The following GET4 variants were observed in gnomAD, a reference collection of about 807,000 sequenced individuals.
The protein encoded by GET4 is Golgi to ER traffic protein 4 homolog.
GET4 carries 20 observed loss-of-function variants against 40.0 expected under a neutral mutation model. The observed-to-expected ratio is 0.50, with a 90% CI of 0.35 to 0.73. The LOEUF (loss-of-function observed/expected upper bound fraction) is 0.73, where lower values mean the gene tolerates loss of function less well. Among genes scored for constraint, GET4 ranks in the 30% least tolerant of loss-of-function variants. The pLI, the probability that GET4 is intolerant of heterozygous loss-of-function variation, is 0.01. For missense variants in GET4, 557 were observed against 454.0 expected (o/e 1.23, Z -2.06); for synonymous variants, 280 against 194.6 (o/e 1.44, Z -3.65).
chr7:883,692 C>T (rs907753189), intron 1 of GET4: 21 of 985,622 alleles, frequency 2.1e-5, no homozygotes, highest in Admixed American at 1.8e-4. Flanking sequence ...GGAGAAGGCC[C>T]GGCCATGCCC....
At position 876,780 on chromosome 7, in the gene GET4, G is replaced by A; in HGVS notation, c.135G>A (p.Met45Ile). 1 of 1,300,532 alleles carries A rather than the reference G, an allele frequency of 7.7e-7. No homozygotes were observed. Among genetic ancestry groups the A allele is most frequent in the Non-Finnish European group, 9.9e-7 (1 of 1,009,682 alleles). The allele number at this position is 1,300,532 out of a possible 1,614,324, so 80.6% of individuals were successfully genotyped here. The change falls in exon 1 of 9, where the codon ATG (methionine) becomes ATA (isoleucine). Residue 45 changes from methionine (M) to isoleucine (I), a missense_variant. Transcript: ENST00000265857. ...GCGACTACTACGAGGCGCACCAGAT[G>A]TACCGGACCCTGTTCTTCAGGTACC... ...EKGDYYEAHQ[M>I]YRTLFFRYMS... is the part of the protein sequence containing the mutation.
At chr7:893,687 G>C (rs1844396858) in intron 6 of GET4, 53 bp from the exon 7 acceptor site, 3 of 1,202,246 alleles carry the variant, frequency 2.5e-6, no homozygotes, top group Non-Finnish European at 3.7e-6. Flanking sequence ...TTGTGCAGGT[G>C]AGTGTGGTCC....
chr7:884,426 G>T (rs1245211206), intron 1 of GET4: 2 of 1,192,430 alleles, frequency 1.7e-6, no homozygotes, highest in South Asian at 1.3e-5. Context: ...TCACTGTGCG[G>T]GGAGCACAGC....
At position 889,067 on chromosome 7, in the gene GET4, G is replaced by GCGATCATAAGGAGGGATGTA. The variant is rs1844254524; in HGVS notation, c.466+1551_466+1570dup. 2.0e-5 allele frequency among the ~76,000 whole-genome samples: 3 copies of GCGATCATAAGGAGGGATGTA among 152,264 alleles called. No homozygotes were observed. The South Asian group carries it at 6.2e-4, about 31-fold the overall frequency. ...ATGGCAGCTCCTAAGATGGGTACAA[G>GCGATCATAAGGAGGGATGTA]CGATCATAAGGAGGGATGTACGTGT... On this transcript the variant is annotated intron_variant, in intron 4 of 8. Transcript: ENST00000265857.
intron 6 of GET4, 86 bp downstream of exon 6, chr7:892,504 G>C: frequency 7.0e-7 from 1 of 1,431,792 alleles, no homozygotes; most frequent in Non-Finnish European, 9.6e-7. Flanking sequence ...GTGGGTGTGT[G>C]TGCAAGTGTA....
At chr7:879,100 C>T (rs570929564) in intron 1 of GET4, among the ~76,000 whole-genome samples, 29 of 152,324 alleles carry the variant, frequency 1.9e-4, no homozygotes, top group African/African-American at 6.7e-4. Flanking sequence ...TGAAGACCCT[C>T]TGCTGGGCCT....
intron 1 of GET4, among the ~76,000 whole-genome samples, chr7:877,257 G>A: frequency 8.4e-6 from 1 of 119,422 alleles, no homozygotes; most frequent in Non-Finnish European, 1.7e-5. Context: ...CTCTCTCCCC[G>A]GCCTCTCCCG....
At chr7:891,441 C>A (rs1029017491) in intron 5 of GET4, among the ~76,000 whole-genome samples, 1 of 152,090 alleles carries the variant, frequency 6.6e-6, no homozygotes, top group Non-Finnish European at 1.5e-5. Flanking sequence ...CCCGCCAGCT[C>A]GCTGGGGCGT....
At position 895,678 on chromosome 7, in the gene GET4, G is replaced by A. The variant is rs1373511324; in HGVS notation, c.*256G>A. On this transcript the variant is annotated 3_prime_UTR_variant, in exon 9 of 9. Coordinates refer to ENST00000265857, the MANE Select transcript of GET4 (RefSeq NM_015949.3). ...GAGATTGACCCACAATAAAGCACAGGCCTTACCGCGGCGTCACCCTCTCCC... is the reference window on the plus strand; with the variant it reads ...GAGATTGACCCACAATAAAGCACAGACCTTACCGCGGCGTCACCCTCTCCC... 9.2e-6 allele frequency: 3 copies of A among 327,038 alleles called. No homozygotes were observed. The highest frequency in any genetic ancestry group is 1.7e-5 in the Non-Finnish European group (3 of 177,084). 20.3% of individuals were successfully genotyped at this position (327,038 alleles called of 1,614,324 possible). A position where few individuals can be genotyped will look rare whatever the true frequency, so the allele number is the denominator to read the frequency against.
chr7:893,041 G>A (rs191879846), intron 6 of GET4, among the ~76,000 whole-genome samples: 21 of 148,546 alleles, frequency 1.4e-4, no homozygotes, highest in Middle Eastern at 7.0e-3. Flanking sequence ...GTGTGTGCAG[G>A]TGAGTGTTGG....
intron 8 of GET4, 116 bp downstream of exon 8, chr7:894,087 T>C (rs1844411157): frequency 1.6e-6 from 1 of 609,156 alleles, no homozygotes; most frequent in African/African-American, 1.9e-5. Context: ...TCTGATCTTT[T>C]AAATGTTTCT....
rs143852092 is a variant in GET4, at chr7:887,389, C to T, written c.336C>T (p.Phe112=). The part of the protein sequence containing the change: ...DELLENLAKV[F]SLMDPNSPER... ...TTGCAGAAAATCTGGCTAAAGTGTT[C>T]AGCCTGATGGACCCCAACTCTCCTG... Residue 112 remains phenylalanine, a synonymous_variant, in exon 4 of 9, where the codon TTC becomes TTT. Transcript: ENST00000265857. The T allele has an allele frequency of 1.5e-4, 233 of 1,593,434 alleles. 1 individual carries two copies. Among genetic ancestry groups the T allele is most frequent in the Middle Eastern group, 1.0e-3 (6 of 5,966 alleles).
At chr7:879,626 A>G (rs1423135675) in intron 1 of GET4, among the ~76,000 whole-genome samples, 1 of 152,206 alleles carries the variant, frequency 6.6e-6, no homozygotes, top group Non-Finnish European at 1.5e-5. Flanking sequence ...AACATAGTAT[A>G]AATACACACC....
intron 6 of GET4, among the ~76,000 whole-genome samples, chr7:893,256 TGGGCGC>T (rs1199748446): frequency 2.4e-5 from 3 of 125,572 alleles, no homozygotes; most frequent in Non-Finnish European, 4.9e-5. Flanking sequence ...AGGTGAGTGT[TGGGCGC>T]GGGCGCGGTG....
At chr7:884,631 T>G (rs1005624984) in intron 1 of GET4, 5 of 240,468 alleles carry the variant, frequency 2.1e-5, no homozygotes, top group African/African-American at 1.1e-4. Flanking sequence ...GGTCCCTGGC[T>G]GTGGTGCCTT....
chr7:893,030 CGT>C lies in GET4; in HGVS notation c.746+618_746+619del, dbSNP rs796723978. Among the ~76,000 whole-genome samples the C allele has an allele frequency of 6.9e-4, 86 of 125,500 alleles. 1 individual carries two copies. Among genetic ancestry groups the C allele is most frequent in the African/African-American group, 2.5e-3 (79 of 31,766 alleles). 82.3% of individuals were successfully genotyped at this position (125,500 alleles called of 152,430 possible). ...GGTGTTTGCAGGTGAGGGGTGTAGG[CGT>C]GTGTGCAGGTGAGTGTTGGGTGTGG... On this transcript the variant is annotated intron_variant, in intron 6 of 8. Coordinates refer to ENST00000265857, the MANE Select transcript of GET4 (RefSeq NM_015949.3).
At chr7:887,338 G>A (rs377200909) in intron 3 of GET4, 32 bp from the exon 4 acceptor site, 22 of 1,564,842 alleles carry the variant, frequency 1.4e-5, no homozygotes, top group Middle Eastern at 1.7e-4. Flanking sequence ...GTGGCCGTGC[G>A]TTCCTCTGAT....
chr7:883,606 C>T (rs1230561918), intron 1 of GET4: 5 of 985,354 alleles, frequency 5.1e-6, no homozygotes, highest in Admixed American at 6.1e-5. Flanking sequence ...AGGCAGAAGC[C>T]ATTTCCCTAT....
At position 876,624 on chromosome 7, in the gene GET4, C is replaced by A. The variant is rs1843942327; in HGVS notation, c.-22C>A. ...CCGACCGCGCCTGCGACAGCGTCAG[C>A]CCTGCGCGGAGCGCCGGCCCGATGG... On this transcript the variant is annotated 5_prime_UTR_variant, in exon 1 of 9. Transcript: ENST00000265857. The A allele has an allele frequency of 8.2e-7, 1 of 1,223,270 alleles. No homozygotes were observed. Among genetic ancestry groups the A allele is most frequent in the Non-Finnish European group, 1.0e-6 (1 of 977,554 alleles). The allele number at this position is 1,223,270 out of a possible 1,614,324, so 75.8% of individuals were successfully genotyped here.
Sources: gnomAD v4.1 joint callset for allele counts (sites outside exome capture counted in the v4.1 genomes callset) on GRCh38, gnomAD v4.1.1 for gene constraint, MANE v1.5 for transcripts, NCBI Gene and HGNC (gene_info 2026-07-23, HGNC 2026-07-21) for gene names.